Variants in ATAD2B observed in about 807,000 individuals in gnomAD.
ATAD2B encodes the protein ATPase family AAA domain-containing protein 2B.
ATAD2B carries 40 observed loss-of-function variants against 167.6 expected under a neutral mutation model. The ratio of observed to expected loss-of-function variants is 0.24; its 90% CI spans 0.19 to 0.31. The LOEUF is 0.31. ATAD2B is among the 10% of genes least tolerant of loss of function. The pLI is 1.00. For missense variants in ATAD2B, 1,242 were observed against 1,757.2 expected (o/e 0.71, Z 5.24); for synonymous variants, 579 against 596.5 (o/e 0.97, Z 0.43).
rs1689484528 is a variant in ATAD2B at position 23,833,981 on chromosome 2, G to C, written c.1666C>G (p.Pro556Ala). Reference protein sequence around the residue: ...GATNRLDSIDPALRRPGRFDR... With the variant: ...GATNRLDSIDAALRRPGRFDR... ...AAACGACCAGGTCTCCTGAGTGCAG[G>C]ATCTATAGAGTCAAGTCTGTTTGTA... The change falls in exon 14 of 28, where the codon CCT becomes GCT. Residue 556 changes from proline to alanine, a missense_variant. Around this residue, in one of 9 missense-constraint regions of ATAD2B, gnomAD observed 151 missense variants for 284.1 expected, o/e 0.53. Coordinates refer to ENST00000238789, the MANE Select transcript of ATAD2B (RefSeq NM_017552.4). The C allele has an allele frequency of 6.2e-7, 1 of 1,613,162 alleles. No homozygotes were observed. The highest frequency in any genetic ancestry group is 8.5e-7 in the Non-Finnish European group (1 of 1,179,616).
the ATAD2B span, among the ~76,000 whole-genome samples, chr2:23,726,663 A>T: frequency 6.5e-4 from 99 of 152,334 alleles, 6 homozygotes; most frequent in East Asian, 0.015. Flanking sequence ...ATGAAATATT[A>T]TTCAACCTTA....
At chr2:23,693,081 G>C in the ATAD2B span, among the ~76,000 whole-genome samples, 1 of 152,140 alleles carries the variant, frequency 6.6e-6, no homozygotes, top group Non-Finnish European at 1.5e-5. Context: ...AAATGGGGTA[G>C]GGGAGAACCC....
chr2:23,852,686 AG>A (rs1692754379), intron 13 of ATAD2B, among the ~76,000 whole-genome samples: 3 of 152,188 alleles, frequency 2.0e-5, no homozygotes, highest in Non-Finnish European at 4.4e-5. Flanking sequence ...CGGGAGGCCG[AG>A]GCAGGTGGAT....
intron 19 of ATAD2B, among the ~76,000 whole-genome samples, chr2:23,796,315 T>C (rs1682611008): frequency 6.6e-6 from 1 of 152,210 alleles, no homozygotes; most frequent in Non-Finnish European, 1.5e-5. Flanking sequence ...ATTATGGGTA[T>C]TGGTAAATAA....
At chr2:23,773,139 G>A (rs72780123) in intron 22 of ATAD2B, among the ~76,000 whole-genome samples, 18,200 of 152,220 alleles carry the variant, frequency 0.12, 1,157 homozygotes, top group Middle Eastern at 0.21. Context: ...CACAAACTTA[G>A]AAGAATATTC....
At chr2:23,741,736 C>T in the ATAD2B span, among the ~76,000 whole-genome samples, 4 of 151,878 alleles carry the variant, frequency 2.6e-5, no homozygotes, top group Admixed American at 2.6e-4. Flanking sequence ...TTCTGCACAG[C>T]AAAAGAAACG....
intron 13 of ATAD2B, among the ~76,000 whole-genome samples, chr2:23,841,639 C>G (rs541423009): frequency 6.6e-6 from 1 of 152,208 alleles, no homozygotes; most frequent in African/African-American, 2.4e-5. Flanking sequence ...TCTCAGCCTC[C>G]CGAGTAGGTG....
At chr2:23,759,189 G>C (rs1482878023) in intron 24 of ATAD2B, among the ~76,000 whole-genome samples, 2 of 151,998 alleles carry the variant, frequency 1.3e-5, no homozygotes, top group East Asian at 3.8e-4. Flanking sequence ...TTTGTTGAAA[G>C]TATCAGAATA....
In ATAD2B at chr2:23,751,910, CAG is replaced by C. The variant is rs754488610; in HGVS notation, c.*134_*135del. 11 of 724,564 alleles carry C rather than the reference CAG, an allele frequency of 1.5e-5. No homozygotes were observed. The highest frequency in any genetic ancestry group is 2.5e-5 in the Non-Finnish European group (11 of 435,724). The allele number at this position is 724,564 out of a possible 1,614,324, so 44.9% of individuals were successfully genotyped here. Reference sequence around the variant, plus strand: ...CCTGAGACAATAGCACCAAATTCAACAGAGAGAAAGAATGAGTGAGAGAGCAC... The same window carrying C: ...CCTGAGACAATAGCACCAAATTCAACAGAGAAAGAATGAGTGAGAGAGCAC... On this transcript the variant is annotated 3_prime_UTR_variant, in exon 28 of 28. Transcript: ENST00000238789.
chr2:23,889,230 C>T (rs143054308), intron 2 of ATAD2B, among the ~76,000 whole-genome samples: 3,393 of 152,154 alleles, frequency 0.022, 136 homozygotes, highest in African/African-American at 0.077. Context: ...TACAGTGGCG[C>T]GATCTCGGCT....
At chr2:23,801,778 CA>C (rs1683543204) in intron 18 of ATAD2B, among the ~76,000 whole-genome samples, 1 of 151,716 alleles carries the variant, frequency 6.6e-6, no homozygotes, top group Non-Finnish European at 1.5e-5. Flanking sequence ...ATATTAAAGG[CA>C]AAAATCAGGC....
chr2:23,747,945 T>G (rs1674985589), downstream of ATAD2B, among the ~76,000 whole-genome samples: 2 of 152,234 alleles, frequency 1.3e-5, no homozygotes, highest in South Asian at 2.1e-4. Context: ...TCCAAAAAAC[T>G]TGATTGAGCC....
At chr2:23,919,188 A>AGAG (rs1553460803) in intron 1 of ATAD2B, among the ~76,000 whole-genome samples, 3 of 150,860 alleles carry the variant, frequency 2.0e-5, no homozygotes, top group East Asian at 3.9e-4. Context: ...ATTAAAAAAA[A>AGAG]AGAGAGAGAG....
At chr2:23,870,342 G>A (rs1695763010) in intron 8 of ATAD2B, among the ~76,000 whole-genome samples, 1 of 143,418 alleles carries the variant, frequency 7.0e-6, no homozygotes, top group Non-Finnish European at 1.5e-5. Context: ...GCTGGAGTGC[G>A]GTGGCAAGGT....
At chr2:23,737,218 A>G in the ATAD2B span, among the ~76,000 whole-genome samples, 1 of 152,322 alleles carries the variant, frequency 6.6e-6, no homozygotes, top group Non-Finnish European at 1.5e-5. Flanking sequence ...CCAAGCACAC[A>G]GCTTGAGATC....
chr2:23,790,525 C>T (rs1212051015), intron 19 of ATAD2B, among the ~76,000 whole-genome samples: 1 of 152,146 alleles, frequency 6.6e-6, no homozygotes, highest in East Asian at 1.9e-4. Flanking sequence ...TACAATAATC[C>T]ATGGATATTC....
chr2:23,806,502 G>C (rs893869532), intron 18 of ATAD2B, among the ~76,000 whole-genome samples: 1 of 151,988 alleles, frequency 6.6e-6, no homozygotes, highest in African/African-American at 2.4e-5. Context: ...ATTTTGGTAG[G>C]GCGCCCTAAT....
intron 1 of ATAD2B, among the ~76,000 whole-genome samples, chr2:23,899,073 G>A (rs79391649): frequency 4.6e-5 from 7 of 151,954 alleles, no homozygotes; most frequent in South Asian, 2.1e-4. Context: ...GCTTGAATCC[G>A]GGAGGCGGAG....
chr2:23,682,190 A>T, the ATAD2B span, among the ~76,000 whole-genome samples: 1 of 152,098 alleles, frequency 6.6e-6, no homozygotes, highest in Admixed American at 6.5e-5. This position sits in a 1 kb window ranked among gnomAD's most constrained non-coding sequence, Gnocchi z 4.1. Context: ...GTTGCTGTGT[A>T]ATTCCGGCCT....
Sources: gnomAD v4.1 joint callset for allele counts (sites outside exome capture counted in the v4.1 genomes callset) on GRCh38, gnomAD v4.1.1 for gene constraint, gnomAD v4.1.1 regional missense constraint, Gnocchi (gnomAD v3.1) non-coding constraint, MANE v1.5 for transcripts, NCBI Gene and HGNC (gene_info 2026-07-23, HGNC 2026-07-21) for gene names.